Variants in KDM1A observed in about 807,000 individuals in gnomAD.
The protein encoded by KDM1A is lysine demethylase 1A.
KDM1A carries 49 observed loss-of-function variants against 109.4 expected under a neutral mutation model. The ratio of observed to expected loss-of-function variants is 0.45; its 90% CI spans 0.36 to 0.57. The LOEUF is 0.57. KDM1A is among the 20% of genes least tolerant of loss of function. The probability of loss-of-function intolerance (pLI) is 0.00; values close to 1 mark genes in which losing one functional copy is unlikely to be tolerated. For synonymous variants in KDM1A, 380 were observed against 415.4 expected (o/e 0.91, Z 1.04); for missense variants, 668 against 1,116.6 (o/e 0.60, Z 5.73).
chr1:23,045,950 A>G (rs1396751167), intron 3 of KDM1A, among the ~76,000 whole-genome samples: 2 of 152,222 alleles, frequency 1.3e-5, no homozygotes, highest in East Asian at 3.8e-4. Context: ...ATGAAGCCAG[A>G]TGACCCTCAT....
chr1:23,054,993 A>G, intron 5 of KDM1A, 76 bp from the exon 6 acceptor site: 1 of 897,036 alleles, frequency 1.1e-6, no homozygotes. Flanking sequence ...TTCATGATGG[A>G]GAAATGGAAG....
At chr1:23,039,091 C>T (rs1422815774) in intron 2 of KDM1A, among the ~76,000 whole-genome samples, 2 of 152,218 alleles carry the variant, frequency 1.3e-5, no homozygotes, top group Non-Finnish European at 2.9e-5. Flanking sequence ...CCTATTATTA[C>T]TTCCATGCTA....
chr1:23,074,171 T>G (rs534007964), intron 15 of KDM1A, among the ~76,000 whole-genome samples: 1 of 152,240 alleles, frequency 6.6e-6, no homozygotes, highest in Non-Finnish European at 1.5e-5. Context: ...TATAGTAGTA[T>G]TTGCATTTCC....
chr1:23,021,334 G>A (rs1296332005), intron 1 of KDM1A, among the ~76,000 whole-genome samples: 3 of 152,164 alleles, frequency 2.0e-5, no homozygotes, highest in Non-Finnish European at 4.4e-5. Flanking sequence ...TCAATAGACA[G>A]GTGGCCAGAA....
In KDM1A at chr1:23,040,150, C is replaced by G. The variant is rs1373649089; in HGVS notation, c.518-4277C>G. Among the ~76,000 whole-genome samples the G allele has an allele frequency of 2.0e-5, 3 of 152,130 alleles. No homozygotes were observed. The East Asian group carries it at 5.8e-4, about 29-fold the overall frequency. ...CGTTGCTTCCTAGATTTAGAAGTTT[C>G]TTAAAATGTTTGTAATTTGAATGTG... On this transcript the variant is annotated intron_variant, in intron 2 of 20. Coordinates refer to ENST00000400181, the MANE Select transcript of KDM1A (RefSeq NM_001009999.3).
At chr1:23,020,880 A>C (rs1329901945) in intron 1 of KDM1A, among the ~76,000 whole-genome samples, 1 of 152,200 alleles carries the variant, frequency 6.6e-6, no homozygotes, top group Non-Finnish European at 1.5e-5. Context: ...AAAGGACCAC[A>C]TGGGACACTG....
intron 3 of KDM1A, among the ~76,000 whole-genome samples, chr1:23,044,768 G>A (rs906248180): frequency 2.0e-5 from 3 of 152,062 alleles, no homozygotes; most frequent in African/African-American, 4.8e-5. Flanking sequence ...TAGTAAACAT[G>A]ATATAGAACA....
At chr1:23,068,153 C>G (rs910660450) in intron 10 of KDM1A, among the ~76,000 whole-genome samples, 3 of 152,134 alleles carry the variant, frequency 2.0e-5, no homozygotes, top group African/African-American at 7.2e-5. Context: ...GGTTTGTTGA[C>G]ATGGTTTTTG....
intron 1 of KDM1A, among the ~76,000 whole-genome samples, chr1:23,030,099 G>C (rs1221169483): frequency 6.6e-6 from 1 of 152,160 alleles, no homozygotes; most frequent in Non-Finnish European, 1.5e-5. Context: ...GACAGACTTG[G>C]TATTCTAGTT....
At chr1:23,021,349 C>T (rs555769512) in intron 1 of KDM1A, among the ~76,000 whole-genome samples, 17 of 152,234 alleles carry the variant, frequency 1.1e-4, no homozygotes, top group African/African-American at 3.9e-4. Context: ...CCAGAAGCCA[C>T]GTATAAGATG....
chr1:23,033,760 A>G (rs1368481665), intron 2 of KDM1A, among the ~76,000 whole-genome samples: 1 of 152,184 alleles, frequency 6.6e-6, no homozygotes, highest in African/African-American at 2.4e-5. Flanking sequence ...GGTGGGAGCC[A>G]TATTGTGAAT....
chr1:23,083,414 A>G lies in KDM1A; in HGVS notation c.*50A>G, dbSNP rs764460810. The G allele has an allele frequency of 2.5e-5, 38 of 1,546,560 alleles. No homozygotes were observed. The highest frequency in any genetic ancestry group is 3.2e-5 in the Non-Finnish European group (36 of 1,140,178). Reference sequence around the variant, plus strand: ...GCCCATGTGCCTGTTTCTGCCATGTAAGGAAGGCTCTTCTAGCAATACTAG... The same window carrying G: ...GCCCATGTGCCTGTTTCTGCCATGTGAGGAAGGCTCTTCTAGCAATACTAG... On this transcript the variant is annotated 3_prime_UTR_variant, in exon 21 of 21. Coordinates refer to ENST00000400181, the MANE Select transcript of KDM1A (RefSeq NM_001009999.3).
intron 2 of KDM1A, 51 bp from the exon 3 acceptor site, chr1:23,044,376 T>C: frequency 5.8e-6 from 9 of 1,556,664 alleles, no homozygotes; most frequent in Non-Finnish European, 7.0e-6. Context: ...GTCCAGATAT[T>C]ATCCTAATTT....
intron 13 of KDM1A, 122 bp downstream of exon 13, chr1:23,071,481 G>T (rs1178947908): frequency 2.3e-6 from 2 of 874,456 alleles, no homozygotes; most frequent in African/African-American, 1.7e-5. Context: ...CAATGAAGAC[G>T]ATTTGGTACA....
chr1:23,079,187 C>T lies in KDM1A; in HGVS notation c.2055+10C>T. On this transcript the variant is annotated intron_variant, in intron 17 of 20. Coordinates refer to ENST00000400181, the MANE Select transcript of KDM1A (RefSeq NM_001009999.3). This position sits in a 1 kb window ranked among gnomAD's most constrained non-coding sequence, Gnocchi z 5.6. ...TGGCAACCTTAACAAGGTAGCTTGC[C>T]CTAGACACTCCTGTCTACAGATCTG... 1 of 1,612,546 alleles carries T rather than the reference C, an allele frequency of 6.2e-7. No individual in the cohort carries two copies. The highest frequency in any genetic ancestry group is 8.5e-7 in the Non-Finnish European group (1 of 1,178,982).
chr1:23,081,813 C>G (rs867668499), intron 19 of KDM1A: 63 of 487,144 alleles, frequency 1.3e-4, no homozygotes, highest in Middle Eastern at 1.1e-3. Flanking sequence ...AGAGTCACAC[C>G]AGATCCCTGA....
intron 10 of KDM1A, among the ~76,000 whole-genome samples, chr1:23,068,106 A>G (rs1643205865): frequency 6.6e-6 from 1 of 152,066 alleles, no homozygotes; most frequent in African/African-American, 2.4e-5. Flanking sequence ...TGGGCTTCTT[A>G]TTTTCCCATC....
At chr1:23,028,913 T>G (rs1641891924) in intron 1 of KDM1A, among the ~76,000 whole-genome samples, 1 of 152,206 alleles carries the variant, frequency 6.6e-6, no homozygotes, top group African/African-American at 2.4e-5. Flanking sequence ...TCATAATTGT[T>G]TTCTCCATTG....
chr1:23,020,196 G>C (rs1183561089), intron 1 of KDM1A: 1 of 399,240 alleles, frequency 2.5e-6, no homozygotes, highest in African/African-American at 2.1e-5. Flanking sequence ...TGATTGCTGG[G>C]AGGGGTATTT....
Sources: gnomAD v4.1 joint callset for allele counts (sites outside exome capture counted in the v4.1 genomes callset) on GRCh38, gnomAD v4.1.1 for gene constraint, Gnocchi (gnomAD v3.1) non-coding constraint, MANE v1.5 for transcripts, NCBI Gene and HGNC (gene_info 2026-07-23, HGNC 2026-07-21) for gene names.